The following GPM6A variants were observed in gnomAD, a reference collection of about 807,000 sequenced individuals.
The protein encoded by GPM6A is neuronal membrane glycoprotein M6-a.
A neutral mutation model predicts 32.1 loss-of-function variants in GPM6A; 7 were observed. That is an observed-to-expected ratio of 0.22 (90% CI 0.12 to 0.41). The LOEUF (loss-of-function observed/expected upper bound fraction) is 0.41, where lower values mean the gene tolerates loss of function less well. GPM6A is among the 10% of genes least tolerant of loss of function. The pLI is 1.00. For missense variants in GPM6A, 235 were observed against 347.2 expected (o/e 0.68, Z 2.57); for synonymous variants, 130 against 123.4 (o/e 1.05, Z -0.35).
chr4:175,724,884 C>T (rs1746325811), intron 1 of GPM6A, among the ~76,000 whole-genome samples: 1 of 152,044 alleles, frequency 6.6e-6, no homozygotes, highest in Non-Finnish European at 1.5e-5. Flanking sequence ...ACTTCACTCT[C>T]TCTCCCTCAC....
chr4:175,688,113 C>G (rs1234072169), intron 2 of GPM6A, among the ~76,000 whole-genome samples: 1 of 152,032 alleles, frequency 6.6e-6, no homozygotes, highest in Non-Finnish European at 1.5e-5. Context: ...ACCAGATAAA[C>G]AGTTTGTAAA....
chr4:175,990,574 C>G (rs1025724251), intron 1 of GPM6A, among the ~76,000 whole-genome samples: 1 of 151,870 alleles, frequency 6.6e-6, no homozygotes, highest in African/African-American at 2.4e-5. Context: ...CAGTAGACCC[C>G]TAAGAAATAC....
At chr4:175,927,290 A>G (rs1299909606) in intron 1 of GPM6A, among the ~76,000 whole-genome samples, 1 of 152,274 alleles carries the variant, frequency 6.6e-6, no homozygotes, top group Non-Finnish European at 1.5e-5. Flanking sequence ...TTCACTGACC[A>G]CAGTTCAAGT....
intron 4 of GPM6A, among the ~76,000 whole-genome samples, chr4:175,648,134 A>G (rs1579338756): frequency 6.6e-6 from 1 of 152,082 alleles, no homozygotes; most frequent in East Asian, 1.9e-4. Context: ...AAAAAAAGAC[A>G]ATCAGAGGTA....
intron 3 of GPM6A, among the ~76,000 whole-genome samples, chr4:175,662,571 G>T (rs1416934632): frequency 6.6e-6 from 1 of 152,090 alleles, no homozygotes; most frequent in Non-Finnish European, 1.5e-5. Flanking sequence ...CTGCACTCCA[G>T]CCTGGGCAAC....
chr4:175,863,624 A>C (rs897449419), intron 1 of GPM6A, among the ~76,000 whole-genome samples: 7 of 152,332 alleles, frequency 4.6e-5, no homozygotes, highest in East Asian at 3.9e-4. Context: ...GGTTTATGAA[A>C]GCACATGTTT....
intron 1 of GPM6A, among the ~76,000 whole-genome samples, chr4:175,780,979 G>A (rs2111252957): frequency 6.6e-6 from 1 of 152,152 alleles, no homozygotes; most frequent in African/African-American, 2.4e-5. Flanking sequence ...GAATTTAGGA[G>A]CCTTAGAAAG....
intron 1 of GPM6A, among the ~76,000 whole-genome samples, chr4:175,889,582 G>A (rs1054903566): frequency 1.4e-4 from 21 of 151,120 alleles, no homozygotes; most frequent in Admixed American, 1.3e-3. Context: ...TTGGGAGGCC[G>A]AGGCGGGTGG....
At chr4:175,859,728 T>C (rs1479297647) in intron 1 of GPM6A, among the ~76,000 whole-genome samples, 3 of 152,080 alleles carry the variant, frequency 2.0e-5, no homozygotes, top group Non-Finnish European at 2.9e-5. Context: ...AGAATACAGA[T>C]GAAGTGCCCT....
At chr4:175,920,941 C>A (rs948662325) in intron 1 of GPM6A, among the ~76,000 whole-genome samples, 7 of 151,840 alleles carry the variant, frequency 4.6e-5, no homozygotes, top group African/African-American at 1.7e-4. Context: ...TAAATATGTT[C>A]TTGCATCAGA....
intron 4 of GPM6A, chr4:175,642,011 T>A (rs1200244902): frequency 6.6e-6 from 1 of 152,170 alleles, no homozygotes; most frequent in Non-Finnish European, 1.5e-5. Flanking sequence ...TTTTAATATG[T>A]ATATGTATTT....
chr4:175,665,292 G>A (rs897712947), intron 3 of GPM6A, among the ~76,000 whole-genome samples: 2 of 151,992 alleles, frequency 1.3e-5, no homozygotes, highest in African/African-American at 4.8e-5. Flanking sequence ...TCATGTACAA[G>A]TCTCCCATGT....
At chr4:175,640,951 G>A (rs376084641) in intron 4 of GPM6A, 122 bp from the exon 5 acceptor site, 1 of 643,558 alleles carries the variant, frequency 1.6e-6, no homozygotes, top group East Asian at 2.7e-5. Flanking sequence ...TTATGTTACA[G>A]TGGAAAAATA....
intron 1 of GPM6A, among the ~76,000 whole-genome samples, chr4:175,710,971 T>A (rs1193169149): frequency 6.6e-6 from 1 of 152,112 alleles, no homozygotes; most frequent in Non-Finnish European, 1.5e-5. Flanking sequence ...ACCAGGAATA[T>A]GAAAACGACC....
intron 1 of GPM6A, among the ~76,000 whole-genome samples, chr4:175,804,209 T>C (rs1348814495): frequency 6.6e-6 from 1 of 152,206 alleles, no homozygotes; most frequent in Non-Finnish European, 1.5e-5. Flanking sequence ...TTGAAAGGTG[T>C]TTGAAGAAAA....
At chr4:175,966,647 A>G (rs1458052322) in intron 1 of GPM6A, among the ~76,000 whole-genome samples, 1 of 151,906 alleles carries the variant, frequency 6.6e-6, no homozygotes, top group Non-Finnish European at 1.5e-5. Context: ...TAAATGAAGA[A>G]GAGGACACTC....
intron 1 of GPM6A, among the ~76,000 whole-genome samples, chr4:175,957,774 T>C (rs1198116452): frequency 6.6e-6 from 1 of 152,194 alleles, no homozygotes; most frequent in Admixed American, 6.5e-5. Context: ...AAAAATAAAG[T>C]TATAAAAACA....
intron 1 of GPM6A, among the ~76,000 whole-genome samples, chr4:175,965,903 C>T (rs372514368): frequency 1.3e-5 from 2 of 152,072 alleles, no homozygotes; most frequent in African/African-American, 2.4e-5. Context: ...TGAGCCACCA[C>T]GCCTGGCCAA....
intron 1 of GPM6A, among the ~76,000 whole-genome samples, chr4:175,762,123 T>G (rs1211314633): frequency 6.6e-6 from 1 of 152,170 alleles, no homozygotes; most frequent in Non-Finnish European, 1.5e-5. Flanking sequence ...TGAAAAAGAT[T>G]AGGAGTTCTT....
Sources: gnomAD v4.1 joint callset for allele counts (sites outside exome capture counted in the v4.1 genomes callset) on GRCh38, gnomAD v4.1.1 for gene constraint, MANE v1.5 for transcripts, NCBI Gene and HGNC (gene_info 2026-07-23, HGNC 2026-07-21) for gene names.